EXO1: variants seen among roughly 807,000 people sequenced by gnomAD.
The protein encoded by EXO1 is exonuclease 1.
In EXO1, 69 loss-of-function variants were observed where a neutral mutation model predicts 84.5. That is an observed-to-expected ratio of 0.82 (90% CI 0.67 to 1.00). The LOEUF (loss-of-function observed/expected upper bound fraction) is 1.00. EXO1 is among the 50% of genes least tolerant of loss of function. The pLI is 0.00. For synonymous variants in EXO1, 373 were observed against 366.1 expected (o/e 1.02, Z -0.21); for missense variants, 1,045 against 1,000.7 (o/e 1.04, Z -0.60).
chr1:241,889,150 G>T (rs1200084245), intron 15 of EXO1, among the ~76,000 whole-genome samples: 2 of 152,026 alleles, frequency 1.3e-5, no homozygotes, highest in East Asian at 3.9e-4. Flanking sequence ...TTCTTAACCA[G>T]ACTTGAGAAG....
At position 241,850,514 on chromosome 1, in the gene EXO1, A is replaced by G; in HGVS notation, c.89A>G (p.Asp30Gly). The change falls in exon 4 of 16, where the codon GAT becomes GGT. Residue 30 changes from aspartate (D) to glycine (G), a missense_variant. By Grantham distance (94) the Asp-to-Gly change is moderately conservative. Coordinates refer to ENST00000366548, the MANE Select transcript of EXO1 (RefSeq NM_130398.4). ...TATAAAGGGCAGGTAGTAGCTGTGG[A>G]TACATATTGCTGGCTTCACAAAGGA... Reference protein sequence around the residue: ...RKYKGQVVAVDTYCWLHKGAI... With the variant: ...RKYKGQVVAVGTYCWLHKGAI... 1 of 1,613,992 alleles carries G rather than the reference A, an allele frequency of 6.2e-7. No homozygotes were observed. The highest frequency in any genetic ancestry group is 8.5e-7 in the Non-Finnish European group (1 of 1,179,880).
intron 11 of EXO1, among the ~76,000 whole-genome samples, chr1:241,870,242 A>G (rs1458592637): frequency 6.6e-6 from 1 of 152,212 alleles, no homozygotes; most frequent in African/African-American, 2.4e-5. Flanking sequence ...ACAACTTATC[A>G]ATAGGTTTTG....
At chr1:241,858,172 T>TG (rs1661169968) in intron 7 of EXO1, among the ~76,000 whole-genome samples, 2 of 152,196 alleles carry the variant, frequency 1.3e-5, no homozygotes, top group Admixed American at 1.3e-4. Context: ...AAGGTACAAG[T>TG]GACAGAGAAA....
At chr1:241,880,671 G>A (rs948161470) in intron 13 of EXO1, among the ~76,000 whole-genome samples, 4 of 152,180 alleles carry the variant, frequency 2.6e-5, no homozygotes, top group African/African-American at 4.8e-5. Flanking sequence ...GCTGACAGTT[G>A]ACATGAAAAT....
At chr1:241,855,162 T>C (rs1003064396) in intron 6 of EXO1, among the ~76,000 whole-genome samples, 1 of 152,294 alleles carries the variant, frequency 6.6e-6, no homozygotes, top group Admixed American at 6.5e-5. Context: ...CAGCTTTTAT[T>C]CTCTTATCTG....
rs1229069966 is a variant in EXO1, at chr1:241,878,856, A to G, written c.1622A>G (p.Glu541Gly). 1 of 1,614,044 alleles carries G rather than the reference A, an allele frequency of 6.2e-7. No individual in the cohort carries two copies. ...TDKENNLHES[E>G]YGDQEGKRLV... ...AAAGAGAACAATCTGCATGAATCAG[A>G]GTATGGAGACCAAGAAGGCAAGAGA... The change falls in exon 13 of 16, where the codon GAG (glutamate) becomes GGG (glycine). Residue 541 changes from glutamate (E) to glycine (G), a missense_variant. Coordinates refer to ENST00000366548, the MANE Select transcript of EXO1 (RefSeq NM_130398.4).
At chr1:241,853,079 C>T (rs368741734) in intron 5 of EXO1, among the ~76,000 whole-genome samples, 4 of 152,110 alleles carry the variant, frequency 2.6e-5, no homozygotes, top group Admixed American at 1.3e-4. Flanking sequence ...AAAGTATCTT[C>T]GTTACTACAT....
At chr1:241,851,908 GA>G (rs909074616) in intron 4 of EXO1, among the ~76,000 whole-genome samples, 7 of 152,156 alleles carry the variant, frequency 4.6e-5, no homozygotes, top group African/African-American at 1.7e-4. Context: ...GGTGTCGTTG[GA>G]AGAATCCAGT....
At chr1:241,877,110 T>A (rs1284391615) in intron 12 of EXO1, among the ~76,000 whole-genome samples, 1 of 152,234 alleles carries the variant, frequency 6.6e-6, no homozygotes, top group African/African-American at 2.4e-5. Flanking sequence ...CCAATTTGCC[T>A]GCATTTTGGA....
intron 10 of EXO1, among the ~76,000 whole-genome samples, chr1:241,863,175 A>G (rs1231765697): frequency 6.6e-6 from 1 of 152,214 alleles, no homozygotes; most frequent in Non-Finnish European, 1.5e-5. Context: ...TAAGCACCTT[A>G]GACATAGTAA....
At chr1:241,874,271 C>T (rs1195324676) in intron 12 of EXO1, among the ~76,000 whole-genome samples, 2 of 152,132 alleles carry the variant, frequency 1.3e-5, no homozygotes, top group Non-Finnish European at 2.9e-5. Context: ...TGGTGGTGTG[C>T]ACCTGTAGTC....
chr1:241,877,446 A>C (rs1662463660), intron 12 of EXO1, among the ~76,000 whole-genome samples: 1 of 152,084 alleles, frequency 6.6e-6, no homozygotes, highest in South Asian at 2.1e-4. Context: ...CTGCTTACTG[A>C]AAAGCCTAGT....
At position 241,848,721 on chromosome 1, in the gene EXO1, T is replaced by A. The variant is rs547626726; in HGVS notation, c.-419-10T>A. The stretch of plus-strand genomic sequence containing the variant: ...TGTTGACAAGTACATTTTCCCATAA[T>A]ATTTTGCAGGCCTAAGGAAACGTGT... On this transcript the variant is annotated splice_polypyrimidine_tract_variant and intron_variant, in intron 1 of 15. Transcript: ENST00000366548. This position sits in a 1 kb window ranked among gnomAD's most constrained non-coding sequence, Gnocchi z 4.2. 6.6e-6 allele frequency: 1 copy of A among 152,230 alleles called. No homozygotes were observed. The highest frequency in any genetic ancestry group is 1.9e-4 in the East Asian group (1 of 5,172). The allele number at this position is 152,230 out of a possible 1,614,324, so 9.4% of individuals were successfully genotyped here.
At chr1:241,889,318 CT>C (rs1399497682) in intron 15 of EXO1, 146 bp from the exon 16 acceptor site, 1 of 705,044 alleles carries the variant, frequency 1.4e-6, no homozygotes, top group Non-Finnish European at 2.4e-6. Flanking sequence ...ACAGGAGAAC[CT>C]GATTGTGTTA....
intron 12 of EXO1, among the ~76,000 whole-genome samples, chr1:241,877,841 A>G (rs1189598255): frequency 6.6e-6 from 1 of 152,202 alleles, no homozygotes; most frequent in Non-Finnish European, 1.5e-5. Flanking sequence ...TTTATAGGGT[A>G]TATAACAAGC....
At chr1:241,886,010 C>T (rs1206879844) in intron 15 of EXO1, among the ~76,000 whole-genome samples, 4 of 152,084 alleles carry the variant, frequency 2.6e-5, no homozygotes, top group Admixed American at 2.0e-4. Flanking sequence ...TGCACCACCA[C>T]GCCTGGCTAA....
chr1:241,870,803 AGT>A (rs2148475921), intron 11 of EXO1, among the ~76,000 whole-genome samples: 1 of 152,290 alleles, frequency 6.6e-6, no homozygotes, highest in Admixed American at 6.5e-5. Flanking sequence ...TGAGTCTTAA[AGT>A]TTTGGTTACA....
At chr1:241,879,442 G>C in intron 13 of EXO1, 99 bp downstream of exon 13, 1 of 697,988 alleles carries the variant, frequency 1.4e-6, no homozygotes, top group South Asian at 1.8e-5. Context: ...TGAATGACGA[G>C]CTATATTATT....
At chr1:241,888,443 C>T (rs565922940) in intron 15 of EXO1, among the ~76,000 whole-genome samples, 1 of 152,250 alleles carries the variant, frequency 6.6e-6, no homozygotes, top group East Asian at 1.9e-4. Context: ...TCAGCAGTTT[C>T]ACTCTGTTCT....
Sources: allele counts gnomAD v4.1 joint callset (sites outside exome capture counted in the v4.1 genomes callset), GRCh38; gene constraint gnomAD v4.1.1; non-coding constraint Gnocchi (gnomAD v3.1); transcripts MANE v1.5; gene names NCBI Gene and HGNC (gene_info 2026-07-23, HGNC 2026-07-21).